RIMS2: variants seen among roughly 807,000 people sequenced by gnomAD.
The protein encoded by RIMS2 is regulating synaptic membrane exocytosis 2, also known as regulating synaptic membrane exocytosis protein 2.
Under a neutral mutation model 174.4 loss-of-function variants are expected in RIMS2, and 59 were observed. The observed-to-expected ratio is 0.34, with a 90% CI of 0.27 to 0.42. The LOEUF is 0.42. RIMS2 is among the 10% of genes least tolerant of loss of function. The pLI is 1.00. For missense variants in RIMS2, 1,620 were observed against 1,666.3 expected (o/e 0.97, Z 0.48); for synonymous variants, 606 against 572.5 (o/e 1.06, Z -0.84).
At chr8:103,605,740 T>C (rs2095038509) in intron 1 of RIMS2, among the ~76,000 whole-genome samples, 1 of 152,166 alleles carries the variant, frequency 6.6e-6, no homozygotes, top group East Asian at 1.9e-4. Context: ...AGAGTGTATG[T>C]GTCGAGGAAT....
intron 1 of RIMS2, among the ~76,000 whole-genome samples, chr8:103,696,410 G>A (rs1453393546): frequency 6.6e-6 from 1 of 151,934 alleles, no homozygotes; most frequent in African/African-American, 2.4e-5. Flanking sequence ...AGTCAAATTA[G>A]CTTTCTGTAT....
At chr8:104,039,709 C>T (rs10109799) in intron 19 of RIMS2, among the ~76,000 whole-genome samples, 38,377 of 151,410 alleles carry the variant, frequency 0.25, 5,266 homozygotes, top group African/African-American at 0.35. Flanking sequence ...ATGCAACATA[C>T]GAAAGTCGGC....
At position 104,155,452 on chromosome 8, in the gene RIMS2, C is replaced by T. The variant is rs557552360; in HGVS notation, c.3335-89464C>T. ...TTTCTGAGACAGAGTCTTGCTCTGT[C>T]GCCCAGGCTGGAGTACAGTGGCGCG... is the stretch of plus-strand genomic sequence containing the variant. On this transcript the variant is annotated intron_variant, in intron 19 of 23. Coordinates refer to ENST00000504942, the Ensembl canonical transcript of RIMS2. 3.4e-3 allele frequency among the ~76,000 whole-genome samples: 401 copies of T among 119,148 alleles called. 3 individuals carry two copies. The highest frequency in any genetic ancestry group is 0.012 in the African/African-American group (366 of 30,020). The allele number at this position is 119,148 out of a possible 152,430, so 78.2% of individuals were successfully genotyped here.
At chr8:104,132,748 A>G (rs952366045) in intron 19 of RIMS2, among the ~76,000 whole-genome samples, 1 of 152,214 alleles carries the variant, frequency 6.6e-6, no homozygotes, top group Non-Finnish European at 1.5e-5. Context: ...GAGCAAAACA[A>G]AAGGAGTGAC....
At chr8:104,189,171 G>A (rs1455719161) in intron 19 of RIMS2, among the ~76,000 whole-genome samples, 31 of 151,902 alleles carry the variant, frequency 2.0e-4, no homozygotes, top group Non-Finnish European at 1.5e-5. Context: ...CCTGCAAGAT[G>A]GATATTTCTA....
At chr8:104,062,520 ATAT>A (rs1344457941) in intron 19 of RIMS2, among the ~76,000 whole-genome samples, 1 of 152,222 alleles carries the variant, frequency 6.6e-6, no homozygotes, top group African/African-American at 2.4e-5. Flanking sequence ...CTCATGAGAC[ATAT>A]TAGCAATTTC....
At chr8:103,793,051 A>G (rs945006993) in intron 3 of RIMS2, among the ~76,000 whole-genome samples, 1 of 152,226 alleles carries the variant, frequency 6.6e-6, no homozygotes, top group Non-Finnish European at 1.5e-5. Flanking sequence ...CAATCAATAG[A>G]AAAAGAGGGA....
intron 1 of RIMS2, among the ~76,000 whole-genome samples, chr8:103,682,276 A>G (rs2096889512): frequency 6.6e-6 from 1 of 152,072 alleles, no homozygotes; most frequent in African/African-American, 2.4e-5. Context: ...AAAAATGCCT[A>G]AGAAGACTCT....
At chr8:103,691,104 T>C (rs2097018091) in intron 1 of RIMS2, among the ~76,000 whole-genome samples, 1 of 152,224 alleles carries the variant, frequency 6.6e-6, no homozygotes. Flanking sequence ...TTTCTCTTGC[T>C]GCTTTTGGGA....
chr8:104,219,029 G>A lies in RIMS2; in HGVS notation c.3335-25887G>A, dbSNP rs1025828738. On this transcript the variant is annotated intron_variant, in intron 19 of 23. Coordinates refer to ENST00000504942, the Ensembl canonical transcript of RIMS2. ...TATTTCAGGAATAAACTAATTTCAC[G>A]TAATTTAAAACTCTGGTGATTTTTT... Among the ~76,000 whole-genome samples, 11 of 152,086 alleles carry A rather than the reference G, an allele frequency of 7.2e-5. No homozygotes were observed. In the South Asian group the frequency reaches 1.2e-3, roughly 17 times the overall value.
intron 3 of RIMS2, among the ~76,000 whole-genome samples, chr8:103,797,810 A>T (rs1005511900): frequency 3.9e-5 from 6 of 151,928 alleles, no homozygotes; most frequent in Non-Finnish European, 8.8e-5. Flanking sequence ...CTTTTTTTCC[A>T]TGTTCTCCTA....
At chr8:103,878,432 G>T (rs554019702) in intron 3 of RIMS2, among the ~76,000 whole-genome samples, 1 of 151,928 alleles carries the variant, frequency 6.6e-6, no homozygotes, top group African/African-American at 2.4e-5. Flanking sequence ...ACTTGATTGT[G>T]GTGAGTTATC....
chr8:104,185,442 A>G (rs1324971718), intron 19 of RIMS2, among the ~76,000 whole-genome samples: 1 of 151,652 alleles, frequency 6.6e-6, no homozygotes, highest in Non-Finnish European at 1.5e-5. Flanking sequence ...GATCAATGGT[A>G]TCTGTAGCCA....
At chr8:104,066,606 G>A (rs2097109806) in intron 19 of RIMS2, among the ~76,000 whole-genome samples, 1 of 152,040 alleles carries the variant, frequency 6.6e-6, no homozygotes, top group Admixed American at 6.6e-5. Context: ...TTCCAAAGTT[G>A]TATTTTAATA....
intron 19 of RIMS2, among the ~76,000 whole-genome samples, chr8:104,128,892 A>G (rs979477020): frequency 1.3e-5 from 2 of 152,170 alleles, no homozygotes; most frequent in African/African-American, 2.4e-5. Flanking sequence ...GAGGAAAAAA[A>G]TATATTTGTT....
chr8:104,187,634 G>A lies in RIMS2; in HGVS notation c.3335-57282G>A, dbSNP rs147247337. 1.5e-3 allele frequency among the ~76,000 whole-genome samples: 228 copies of A among 151,788 alleles called. 1 individual carries two copies. In the Middle Eastern group the frequency reaches 0.017, roughly 11 times the overall value. On this transcript the variant is annotated intron_variant, in intron 19 of 23. Transcript: ENST00000504942. ...GTATTTCTTAAAGTTGTATTTGGAA[G>A]CATGAAATCCATCTTGTTTAACTGA...
intron 3 of RIMS2, among the ~76,000 whole-genome samples, chr8:103,883,113 G>C (rs1343042613): frequency 6.6e-6 from 1 of 151,572 alleles, no homozygotes; most frequent in East Asian, 1.9e-4. Flanking sequence ...GAACAAGGAA[G>C]GTGTCTTAAT....
intron 17 of RIMS2, among the ~76,000 whole-genome samples, chr8:104,009,180 A>C (rs2095679660): frequency 6.6e-6 from 1 of 151,866 alleles, no homozygotes. Flanking sequence ...TTTCATTTTT[A>C]ATGTTTTCTA....
intron 12 of RIMS2, among the ~76,000 whole-genome samples, chr8:103,932,100 AAAAG>A (rs2080086222): frequency 6.6e-6 from 1 of 152,228 alleles, no homozygotes; most frequent in African/African-American, 2.4e-5. Flanking sequence ...GCATCATGAA[AAAAG>A]AAAGAAGAAA....
Sources: gnomAD v4.1 joint callset for allele counts (sites outside exome capture counted in the v4.1 genomes callset) on GRCh38, gnomAD v4.1.1 for gene constraint, MANE v1.5 for transcripts, NCBI Gene and HGNC (gene_info 2026-07-23, HGNC 2026-07-21) for gene names.